Variants in KDM5B observed in about 807,000 individuals in gnomAD.
The protein encoded by KDM5B is lysine demethylase 5B.
KDM5B carries 144 observed loss-of-function variants against 193.4 expected under a neutral mutation model. The ratio of observed to expected loss-of-function variants is 0.74; its 90% CI spans 0.65 to 0.86. KDM5B has a LOEUF of 0.86. KDM5B is among the 40% of genes least tolerant of loss of function. The probability of loss-of-function intolerance (pLI) is 0.00; values close to 1 mark genes in which losing one functional copy is unlikely to be tolerated. For missense variants in KDM5B, 1,833 were observed against 1,886.9 expected (o/e 0.97, Z 0.53); for synonymous variants, 668 against 682.6 (o/e 0.98, Z 0.33).
chr1:202,808,012 C>T lies in KDM5B; in HGVS notation c.204+90G>A, dbSNP rs1182020143. The T allele has an allele frequency of 3.8e-6, 5 of 1,325,070 alleles. No homozygotes were observed. The African/African-American group carries it at 6.2e-5, about 16-fold the overall frequency. 82.1% of individuals were successfully genotyped at this position (1,325,070 alleles called of 1,614,324 possible). A position where few individuals can be genotyped will look rare whatever the true frequency, so the allele number is the denominator to read the frequency against. ...GAGGCCGGCGGGGCGACCGGCTCCC[C>T]GCCCCCCGCGCCTCGGGCCTCCCCG... On this transcript the variant is annotated intron_variant, in intron 1 of 26. Transcript: ENST00000367265.
At chr1:202,794,576 T>C (rs576368484) in intron 1 of KDM5B, among the ~76,000 whole-genome samples, 1 of 152,322 alleles carries the variant, frequency 6.6e-6, no homozygotes, top group South Asian at 2.1e-4. Flanking sequence ...AGCCTAGCTA[T>C]CTACTCCTAA....
intron 1 of KDM5B, among the ~76,000 whole-genome samples, chr1:202,786,118 G>A (rs888965959): frequency 6.9e-6 from 1 of 144,474 alleles, no homozygotes; most frequent in Non-Finnish European, 1.5e-5. Context: ...TCCCACCTCA[G>A]CCTCCAGAGT....
At chr1:202,758,604 ATTTG>A (rs1384698175) in intron 8 of KDM5B, 94 bp from the exon 9 acceptor site, 2 of 1,055,054 alleles carry the variant, frequency 1.9e-6, no homozygotes, top group Non-Finnish European at 2.6e-6. Flanking sequence ...CAAGGCTTTA[ATTTG>A]TTTATTTTAC....
chr1:202,738,761 C>T (rs1227537251), intron 20 of KDM5B, among the ~76,000 whole-genome samples: 2 of 152,094 alleles, frequency 1.3e-5, no homozygotes, highest in Non-Finnish European at 2.9e-5. Flanking sequence ...AAGACATCCC[C>T]CATCAAACAC....
At chr1:202,754,137 G>A (rs945084845) in intron 11 of KDM5B, among the ~76,000 whole-genome samples, 6 of 152,158 alleles carry the variant, frequency 3.9e-5, no homozygotes, top group African/African-American at 1.4e-4. Context: ...GCATTTCTAA[G>A]GAATTCTTAT....
chr1:202,779,967 G>C (rs2102310016), intron 1 of KDM5B, among the ~76,000 whole-genome samples: 1 of 152,056 alleles, frequency 6.6e-6, no homozygotes, highest in East Asian at 1.9e-4. Context: ...AAAAGTGCTA[G>C]ATTTATAAAG....
At chr1:202,765,224 A>G (rs1656401557) in intron 5 of KDM5B, among the ~76,000 whole-genome samples, 1 of 107,516 alleles carries the variant, frequency 9.3e-6, no homozygotes, top group Non-Finnish European at 2.2e-5. Context: ...ATTTTAATAA[A>G]CTATTATTAT....
At chr1:202,776,848 G>A (rs905470175) in intron 2 of KDM5B, among the ~76,000 whole-genome samples, 169 bp downstream of exon 2, 4 of 152,044 alleles carry the variant, frequency 2.6e-5, no homozygotes, top group Non-Finnish European at 5.9e-5. Flanking sequence ...TAGCCAATTC[G>A]ATATTTTAAA....
chr1:202,738,286 A>G (rs1355240152), intron 20 of KDM5B, among the ~76,000 whole-genome samples: 1 of 152,190 alleles, frequency 6.6e-6, no homozygotes, highest in Admixed American at 6.5e-5. Context: ...TTCTGATTTT[A>G]TATGTCAGCC....
At chr1:202,767,095 T>C (rs771952812) in intron 4 of KDM5B, 35 bp from the exon 5 acceptor site, 15 of 1,361,654 alleles carry the variant, frequency 1.1e-5, no homozygotes, top group African/African-American at 1.6e-5. Context: ...AATTCCCTCC[T>C]TTTTTTTTTC....
chr1:202,736,475 C>A (rs914537658), intron 20 of KDM5B, 83 bp from the exon 21 acceptor site: 2 of 1,084,342 alleles, frequency 1.8e-6, no homozygotes, highest in South Asian at 1.9e-5. Flanking sequence ...CAGATTGGTC[C>A]ATTGAGTACT....
At chr1:202,796,594 T>C (rs1216348007) in intron 1 of KDM5B, 2 of 168,094 alleles carry the variant, frequency 1.2e-5, no homozygotes, top group African/African-American at 4.8e-5. Context: ...TAGCATATGT[T>C]ATACTATGTG....
intron 1 of KDM5B, among the ~76,000 whole-genome samples, chr1:202,802,572 T>C (rs974361691): frequency 2.0e-5 from 3 of 152,086 alleles, no homozygotes; most frequent in African/African-American, 7.2e-5. Flanking sequence ...TTTATATTTT[T>C]AGTAGAGACA....
In KDM5B at chr1:202,755,488, G is replaced by C. The variant is rs757594309; in HGVS notation, c.1357-36C>G. The C allele has an allele frequency of 3.4e-6, 5 of 1,467,244 alleles. No homozygotes were observed. In the African/African-American group the frequency reaches 5.6e-5, roughly 17 times the overall value. 90.9% of individuals were successfully genotyped at this position (1,467,244 alleles called of 1,614,324 possible). A position where few individuals can be genotyped will look rare whatever the true frequency, so the allele number is the denominator to read the frequency against. On this transcript the variant is annotated intron_variant, in intron 10 of 26. Transcript: ENST00000367265. ...GAAGACAAAAGAGGATAAAGGTTTAGCTATACAATGCTAACGTTTTAGAAG... is the reference window on the plus strand; with the variant it reads ...GAAGACAAAAGAGGATAAAGGTTTACCTATACAATGCTAACGTTTTAGAAG...
At chr1:202,740,605 C>A in intron 20 of KDM5B, 69 bp downstream of exon 20, 3 of 1,458,400 alleles carry the variant, frequency 2.1e-6, no homozygotes, top group Non-Finnish European at 2.8e-6. Flanking sequence ...ACCTCCCTCC[C>A]GGACGGGGCG....
At chr1:202,736,452 G>C (rs1655099810) in intron 20 of KDM5B, 60 bp from the exon 21 acceptor site, 1 of 1,361,230 alleles carries the variant, frequency 7.3e-7, no homozygotes. Context: ...TGAAAAACAG[G>C]AAAAGCTTAA....
chr1:202,750,523 C>A, intron 13 of KDM5B, 136 bp downstream of exon 13: 1 of 775,216 alleles, frequency 1.3e-6, no homozygotes, highest in Non-Finnish European at 2.0e-6. Flanking sequence ...GATCTGCCCA[C>A]CTTGGCTTCC....
rs1166886320 is a variant in KDM5B, at chr1:202,767,144, CAT to C, written c.577-86_577-85del. ...ATTGACAAACATATCTAGCATGCCA[CAT>C]GAGTTCGAGTTTGATCTACTTCCAG... is the stretch of plus-strand genomic sequence containing the variant. On this transcript the variant is annotated intron_variant, in intron 4 of 26. Coordinates refer to ENST00000367265, the MANE Select transcript of KDM5B (RefSeq NM_006618.5). 2.5e-5 allele frequency: 40 copies of C among 1,590,972 alleles called. No homozygotes were observed. In the Middle Eastern group the frequency reaches 2.2e-3, roughly 87 times the overall value.
At chr1:202,757,365 A>G (rs1656065074) in intron 9 of KDM5B, among the ~76,000 whole-genome samples, 1 of 152,216 alleles carries the variant, frequency 6.6e-6, no homozygotes, top group Non-Finnish European at 1.5e-5. Flanking sequence ...AGCAACTTGT[A>G]GCAGCACGCC....
Sources: allele counts gnomAD v4.1 joint callset (sites outside exome capture counted in the v4.1 genomes callset), GRCh38; gene constraint gnomAD v4.1.1; transcripts MANE v1.5; gene names NCBI Gene and HGNC (gene_info 2026-07-23, HGNC 2026-07-21).